The following CCSER1 variants were observed in gnomAD, a reference collection of about 807,000 sequenced individuals.
CCSER1 encodes the protein serine-rich coiled-coil domain-containing protein 1.
Under a neutral mutation model 82.0 loss-of-function variants are expected in CCSER1, and 41 were observed. The observed-to-expected ratio is 0.50, with a 90% CI of 0.39 to 0.65. CCSER1 has a LOEUF of 0.65. Among genes scored for constraint, CCSER1 ranks in the 30% least tolerant of loss-of-function variants. The pLI is 0.00. For synonymous variants in CCSER1, 414 were observed against 383.9 expected (o/e 1.08, Z -0.92); for missense variants, 1,119 against 1,064.2 (o/e 1.05, Z -0.72).
chr4:91,097,217 A>G (rs1294971502), intron 10 of CCSER1, among the ~76,000 whole-genome samples: 1 of 152,162 alleles, frequency 6.6e-6, no homozygotes, highest in African/African-American at 2.4e-5. Context: ...TGATGAAGAG[A>G]ACTAATAATT....
At chr4:90,807,560 A>G (rs1757680878) in intron 7 of CCSER1, among the ~76,000 whole-genome samples, 1 of 151,962 alleles carries the variant, frequency 6.6e-6, no homozygotes, top group South Asian at 2.1e-4. Flanking sequence ...ACATAAAGCA[A>G]CTCCATCTCA....
chr4:90,167,202 T>G (rs939498267), intron 1 of CCSER1, among the ~76,000 whole-genome samples: 4 of 152,064 alleles, frequency 2.6e-5, no homozygotes, highest in Non-Finnish European at 5.9e-5. Context: ...ATCAAGAAAT[T>G]AGCAATTTAA....
intron 5 of CCSER1, among the ~76,000 whole-genome samples, chr4:90,578,456 T>C (rs1017186462): frequency 1.3e-5 from 2 of 152,116 alleles, no homozygotes; most frequent in Admixed American, 1.3e-4. Flanking sequence ...ATCATGGCAC[T>C]CTGACCCTAC....
chr4:90,440,287 G>T (rs201769525), intron 4 of CCSER1, among the ~76,000 whole-genome samples: 1 of 152,146 alleles, frequency 6.6e-6, no homozygotes. Context: ...TTACAGTTAT[G>T]AGCCACTGCA....
intron 1 of CCSER1, among the ~76,000 whole-genome samples, chr4:90,144,090 G>T (rs144169776): frequency 2.0e-4 from 30 of 152,314 alleles, no homozygotes; most frequent in Non-Finnish European, 2.8e-4. Context: ...AAAAGGGAAA[G>T]ATATAAATCA....
intron 10 of CCSER1, among the ~76,000 whole-genome samples, chr4:91,154,656 T>A (rs1409099603): frequency 1.3e-5 from 2 of 152,000 alleles, no homozygotes; most frequent in East Asian, 3.9e-4. Flanking sequence ...TATTTGGCCA[T>A]CTTGGAACCT....
chr4:91,113,704 T>C (rs1726284552), intron 10 of CCSER1, among the ~76,000 whole-genome samples: 1 of 152,250 alleles, frequency 6.6e-6, no homozygotes. Context: ...GTCAGTGACT[T>C]TGTTTCTATA....
chr4:91,085,930 A>G lies in CCSER1; in HGVS notation c.2173-20A>G. 7.2e-7 allele frequency: 1 copy of G among 1,384,816 alleles called. No homozygotes were observed. The highest frequency in any genetic ancestry group is 1.0e-6 in the Non-Finnish European group (1 of 996,902). The allele number at this position is 1,384,816 out of a possible 1,614,324, so 85.8% of individuals were successfully genotyped here. On this transcript the variant is annotated intron_variant, in intron 9 of 10. Coordinates refer to ENST00000509176, the MANE Select transcript of CCSER1 (RefSeq NM_001145065.2). ...AATTCTTCGTTGCCAATAATAATATACTTTGCTTTTCTTTTTCAGGGTTTA... is the reference window on the plus strand; with the variant it reads ...AATTCTTCGTTGCCAATAATAATATGCTTTGCTTTTCTTTTTCAGGGTTTA...
chr4:91,349,195 C>T (rs570947320), intron 10 of CCSER1, among the ~76,000 whole-genome samples: 7 of 150,634 alleles, frequency 4.6e-5, no homozygotes, highest in Non-Finnish European at 7.4e-5. Context: ...GCGTGAGACA[C>T]GGCGCCCGGC....
intron 10 of CCSER1, among the ~76,000 whole-genome samples, chr4:91,524,732 G>A (rs757766926): frequency 2.3e-4 from 35 of 152,052 alleles, no homozygotes; most frequent in Admixed American, 1.4e-3. Context: ...TGATTACACC[G>A]CAGAAAACAA....
intron 10 of CCSER1, among the ~76,000 whole-genome samples, chr4:91,381,093 A>G (rs114702619): frequency 0.02 from 2,981 of 152,198 alleles, 76 homozygotes; most frequent in African/African-American, 0.067. Context: ...CTTCTGGATT[A>G]TAGAGCTTCT....
chr4:90,662,015 T>TA (rs1730899469), intron 6 of CCSER1, among the ~76,000 whole-genome samples: 1 of 151,044 alleles, frequency 6.6e-6, no homozygotes. Context: ...TTTTTTTTTT[T>TA]TGAGACTTAG....
At chr4:91,594,871 T>C (rs1256087759) in intron 10 of CCSER1, among the ~76,000 whole-genome samples, 1 of 152,110 alleles carries the variant, frequency 6.6e-6, no homozygotes, top group Non-Finnish European at 1.5e-5. Context: ...TCCTATAATA[T>C]ACTAAAGACA....
intron 10 of CCSER1, among the ~76,000 whole-genome samples, chr4:91,112,181 C>T (rs1460916435): frequency 1.3e-5 from 2 of 152,098 alleles, no homozygotes; most frequent in East Asian, 3.9e-4. Context: ...CTGTAACTTA[C>T]TAAGAGATCG....
intron 3 of CCSER1, among the ~76,000 whole-genome samples, chr4:90,336,113 T>C (rs1740344274): frequency 6.6e-6 from 1 of 152,212 alleles, no homozygotes; most frequent in African/African-American, 2.4e-5. Context: ...TAATCCTTTT[T>C]TTCTAGACAC....
chr4:90,352,735 G>A (rs1015997470), intron 3 of CCSER1, among the ~76,000 whole-genome samples: 1 of 151,958 alleles, frequency 6.6e-6, no homozygotes, highest in Non-Finnish European at 1.5e-5. Context: ...GCATGATTTA[G>A]TAAACATAAC....
At chr4:90,448,444 AATAT>A (rs70963067) in intron 4 of CCSER1, among the ~76,000 whole-genome samples, 1,749 of 43,814 alleles carry the variant, frequency 0.04, 27 homozygotes, top group Middle Eastern at 0.062. Context: ...AGGTGAATTG[AATAT>A]ATATATATAT....
rs72888561 is a variant in CCSER1, at chr4:91,136,742, A to G, written c.2217+50748A>G. 8.5e-3 allele frequency among the ~76,000 whole-genome samples: 1,298 copies of G among 152,228 alleles called. 18 individuals are homozygous for G. Among genetic ancestry groups the G allele is most frequent in the African/African-American group, 0.029 (1,220 of 41,548 alleles). ...ATAAAGATAGGTTTTATCAAAATCT[A>G]TTTATTCATTTTGAGTTATTTTATT... On this transcript the variant is annotated intron_variant, in intron 10 of 10. Transcript: ENST00000509176.
chr4:90,892,217 C>T (rs189906483), intron 8 of CCSER1, among the ~76,000 whole-genome samples: 1 of 151,922 alleles, frequency 6.6e-6, no homozygotes, highest in East Asian at 1.9e-4. Context: ...TTAAGAAAGG[C>T]TTATTTTTAT....
Sources: allele counts gnomAD v4.1 joint callset (sites outside exome capture counted in the v4.1 genomes callset), GRCh38; gene constraint gnomAD v4.1.1; transcripts MANE v1.5; gene names NCBI Gene and HGNC (gene_info 2026-07-23, HGNC 2026-07-21).